The following LAMA3 variants were observed in gnomAD, a reference collection of about 807,000 sequenced individuals.
The protein encoded by LAMA3 is laminin subunit alpha-3.
Under a neutral mutation model 402.0 loss-of-function variants are expected in LAMA3, and 281 were observed. The observed-to-expected ratio is 0.70, with a 90% CI of 0.63 to 0.77. LAMA3 has a LOEUF of 0.77. Among genes scored for constraint, LAMA3 ranks in the 30% least tolerant of loss-of-function variants. LAMA3 has a pLI of 0.00. For missense variants in LAMA3, 3,840 were observed against 4,215.5 expected, an observed-to-expected ratio of 0.91 and a Z score of 2.47; for synonymous variants, 1,431 against 1,558.4, an observed-to-expected ratio of 0.92 and a Z score of 1.93.
intron 12 of LAMA3, among the ~76,000 whole-genome samples, chr18:23,807,247 T>A (rs1198100959): frequency 6.6e-6 from 1 of 152,100 alleles, no homozygotes; most frequent in Non-Finnish European, 1.5e-5. Context: ...GAGGCTAATG[T>A]GGGACAGTCA....
At chr18:23,845,246 G>A (rs1239715801) in intron 30 of LAMA3, 122 bp downstream of exon 30, 2 of 698,592 alleles carry the variant, frequency 2.9e-6, no homozygotes, top group East Asian at 2.7e-5. Flanking sequence ...GCCCAAGAGA[G>A]TGTCAGTGAG....
At chr18:23,951,345 C>T (rs899506829) in intron 72 of LAMA3, among the ~76,000 whole-genome samples, 3 of 152,084 alleles carry the variant, frequency 2.0e-5, no homozygotes. Flanking sequence ...CATACAGAGC[C>T]ACTGTCACGC....
chr18:23,882,051 G>A lies in LAMA3; in HGVS notation c.5222+6G>A, dbSNP rs377195105. ...CCATGTCCTCACACTAACAGGTACC[G>A]TAGCAGCTTGACATAACCTACAGGG... On this transcript the variant is annotated splice_donor_region_variant and intron_variant, in intron 40 of 74. Coordinates refer to ENST00000313654, the MANE Select transcript of LAMA3 (RefSeq NM_198129.4). The A allele has an allele frequency of 9.4e-6, 15 of 1,601,284 alleles. No individual in the cohort carries two copies. The highest frequency in any genetic ancestry group is 8.0e-5 in the African/African-American group (6 of 74,684).
chr18:23,896,362 A>G (rs2145076170), intron 44 of LAMA3, among the ~76,000 whole-genome samples: 1 of 152,330 alleles, frequency 6.6e-6, no homozygotes, highest in Admixed American at 6.5e-5. Flanking sequence ...AACAAAAAAC[A>G]AAAACAAAAA....
At chr18:23,897,737 T>C (rs183279201) in intron 44 of LAMA3, among the ~76,000 whole-genome samples, 1 of 152,298 alleles carries the variant, frequency 6.6e-6, no homozygotes, top group East Asian at 1.9e-4. Context: ...AAAGTTAAAA[T>C]AGAACTATCT....
chr18:23,871,307 A>C, intron 37 of LAMA3, 124 bp from the exon 38 acceptor site: 5 of 762,120 alleles, frequency 6.6e-6, no homozygotes, highest in Non-Finnish European at 1.1e-5. Context: ...TCCCCGTCTT[A>C]TTTCATTTCT....
chr18:23,922,085 G>A (rs552231893), intron 62 of LAMA3, among the ~76,000 whole-genome samples: 128 of 152,352 alleles, frequency 8.4e-4, no homozygotes, highest in Non-Finnish European at 1.5e-3. Context: ...CTGTTTCTTG[G>A]ATGAGTGAAC....
At chr18:23,722,572 T>C (rs2061233457) in intron 2 of LAMA3, among the ~76,000 whole-genome samples, 1 of 152,230 alleles carries the variant, frequency 6.6e-6, no homozygotes, top group African/African-American at 2.4e-5. Context: ...TTTACATTTG[T>C]TGGTTTTCAT....
At chr18:23,878,215 T>C (rs1437819887) in intron 39 of LAMA3, among the ~76,000 whole-genome samples, 2 of 152,256 alleles carry the variant, frequency 1.3e-5, no homozygotes, top group Non-Finnish European at 2.9e-5. Flanking sequence ...GGAGGGTTTT[T>C]TTCTGTAGTC....
At chr18:23,730,794 G>A (rs1195710544) in intron 2 of LAMA3, among the ~76,000 whole-genome samples, 4 of 151,856 alleles carry the variant, frequency 2.6e-5, no homozygotes, top group Admixed American at 6.6e-5. Context: ...TACGCTGTCC[G>A]GGCATATTTT....
rs200532263 is a variant in LAMA3, at chr18:23,864,868, G to C, written c.4668G>C (p.Pro1556=). The change falls in exon 36 of 75, where the codon CCG becomes CCC. Residue 1556 remains proline, a synonymous_variant. Transcript: ENST00000313654. The part of the protein sequence containing the change: ...PGDMVLLEKK[P]DVQLTGQHMS... ...ACATGGTTCTTCTGGAAAAGAAGCCGGATGTACAGCTCACTGTAGGTATCA... is the reference window on the plus strand; with the variant it reads ...ACATGGTTCTTCTGGAAAAGAAGCCCGATGTACAGCTCACTGTAGGTATCA... 1 of 1,611,772 alleles carries C rather than the reference G, an allele frequency of 6.2e-7. No homozygotes were observed. The highest frequency in any genetic ancestry group is 1.3e-5 in the African/African-American group (1 of 74,866).
At chr18:23,710,305 A>C (rs1337286134) in intron 1 of LAMA3, 7 of 488,328 alleles carry the variant, frequency 1.4e-5, no homozygotes, top group Non-Finnish European at 2.6e-5. Flanking sequence ...AAAGACCGCA[A>C]GTTTGATTTT....
chr18:23,695,354 C>T (rs542759637), intron 1 of LAMA3, among the ~76,000 whole-genome samples: 7 of 152,264 alleles, frequency 4.6e-5, no homozygotes, highest in Admixed American at 2.6e-4. Context: ...TCAGTGTATG[C>T]GTGTTATCCC....
intron 41 of LAMA3, among the ~76,000 whole-genome samples, chr18:23,886,725 G>A (rs781698857): frequency 2.1e-4 from 32 of 152,190 alleles, no homozygotes; most frequent in Non-Finnish European, 3.5e-4. Flanking sequence ...TTGTTTAACC[G>A]GAAAATGAAT....
chr18:23,822,449 C>G lies in LAMA3; in HGVS notation c.2428+74C>G, dbSNP rs938284826. 25 of 1,493,282 alleles carry G rather than the reference C, an allele frequency of 1.7e-5. No homozygotes were observed. The African/African-American group carries it at 2.6e-4, about 16-fold the overall frequency. 92.5% of individuals were successfully genotyped at this position (1,493,282 alleles called of 1,614,324 possible). On this transcript the variant is annotated intron_variant, in intron 20 of 74. Coordinates refer to ENST00000313654, the MANE Select transcript of LAMA3 (RefSeq NM_198129.4). ...ATAGTGAAACACTTTCTCTGATTTT[C>G]ACAAAGTTGATCACCCTTAGAAAAT...
chr18:23,939,007 TAAAG>T (rs1161140117), intron 67 of LAMA3, among the ~76,000 whole-genome samples: 2 of 152,040 alleles, frequency 1.3e-5, no homozygotes, highest in Non-Finnish European at 2.9e-5. Context: ...AAGAGCTAAA[TAAAG>T]AATGAGCTCT....
At chr18:23,828,526 C>G (rs138845549) in intron 23 of LAMA3, among the ~76,000 whole-genome samples, 123 of 152,172 alleles carry the variant, frequency 8.1e-4, no homozygotes, top group African/African-American at 2.8e-3. Context: ...TATAGGTGTA[C>G]ATACATACAT....
At chr18:23,841,103 T>C (rs1321930936) in intron 27 of LAMA3, among the ~76,000 whole-genome samples, 5 of 152,280 alleles carry the variant, frequency 3.3e-5, no homozygotes, top group Admixed American at 6.5e-5. Flanking sequence ...CAGAATCAAA[T>C]AAAATCCCAT....
intron 1 of LAMA3, 87 bp from the exon 2 acceptor site, chr18:23,713,833 G>GT (rs2061041210): frequency 8.3e-7 from 1 of 1,208,430 alleles, no homozygotes; most frequent in Non-Finnish European, 1.2e-6. Flanking sequence ...TTGGTTCCCT[G>GT]TATTTGCTAT....
Sources: gnomAD v4.1 joint callset for allele counts (sites outside exome capture counted in the v4.1 genomes callset) on GRCh38, gnomAD v4.1.1 for gene constraint, MANE v1.5 for transcripts, NCBI Gene and HGNC (gene_info 2026-07-23, HGNC 2026-07-21) for gene names.